Variants in CUX1 observed in about 807,000 individuals in gnomAD.
CUX1 encodes the protein cut like homeobox 1, also known as protein CASP.
In CUX1, 31 loss-of-function variants were observed where a neutral mutation model predicts 158.8. The observed-to-expected ratio is 0.20, with a 90% CI of 0.15 to 0.26. CUX1 has a LOEUF of 0.26. CUX1 is among the 10% of genes least tolerant of loss of function. CUX1 has a pLI of 1.00. For missense variants in CUX1, 1,589 were observed against 2,014.6 expected (o/e 0.79, Z 4.04); for synonymous variants, 879 against 862.1 (o/e 1.02, Z -0.34).
chr7:101,941,061 C>G (rs1176252313), intron 2 of CUX1, among the ~76,000 whole-genome samples: 1 of 152,186 alleles, frequency 6.6e-6, no homozygotes, highest in Non-Finnish European at 1.5e-5. Flanking sequence ...GCCGGGCTTC[C>G]TTGAGGCAGG....
upstream of CUX1, chr7:101,816,013 G>A (rs373609751): frequency 1.8e-5 from 25 of 1,412,610 alleles, no homozygotes; most frequent in Middle Eastern, 2.0e-4. Flanking sequence ...CGCTCACTCC[G>A]TCTCAATATG....
At chr7:101,933,711 C>T (rs925107304) in intron 2 of CUX1, among the ~76,000 whole-genome samples, 4 of 152,126 alleles carry the variant, frequency 2.6e-5, no homozygotes, top group Non-Finnish European at 5.9e-5. Flanking sequence ...AAGATGAATA[C>T]ATTCATTCAT....
At position 101,910,573 on chromosome 7, in the gene CUX1, A is replaced by T. The variant is rs116536736; in HGVS notation, c.31-5542A>T. Among the ~76,000 whole-genome samples, 333 of 152,168 alleles carry T rather than the reference A, an allele frequency of 2.2e-3. 2 individuals carry two copies. The highest frequency in any genetic ancestry group is 7.7e-3 in the African/African-American group (321 of 41,552). ...GAGTTCAAGACTAGTCTGGCCAACA[A>T]GGCGAAACCCCCTCTCTACTAAAAA... On this transcript the variant is annotated intron_variant, in intron 1 of 23. Transcript: ENST00000292535.
intron 3 of CUX1, among the ~76,000 whole-genome samples, chr7:102,028,352 A>G (rs1345889029): frequency 2.0e-5 from 3 of 152,304 alleles, no homozygotes; most frequent in African/African-American, 4.8e-5. Context: ...AAAGGAAGCT[A>G]TGCTCAGAAT....
At position 101,826,195 on chromosome 7, in the gene CUX1, GT is replaced by G. The variant is rs367981185; in HGVS notation, c.30+8535del. 2.3e-4 allele frequency among the ~76,000 whole-genome samples: 34 copies of G among 150,376 alleles called. 1 individual carries two copies. The South Asian group carries it at 6.4e-3, about 28-fold the overall frequency. On this transcript the variant is annotated intron_variant, in intron 1 of 23. Transcript: ENST00000292535. ...TTCAAGCCTACTTCAGAATTTTTTT[GT>G]TTTTTTTTGTTTTTGATTTTTTGAG... is the stretch of plus-strand genomic sequence containing the variant.
chr7:101,833,560 C>CT (rs1447281649), intron 1 of CUX1, among the ~76,000 whole-genome samples: 1 of 51,452 alleles, frequency 1.9e-5, no homozygotes, highest in Non-Finnish European at 3.5e-5. Flanking sequence ...GACTCTGTCT[C>CT]TTAAAAAAAA....
At chr7:102,236,808 C>T (rs543372779) in intron 22 of CUX1, among the ~76,000 whole-genome samples, 2 of 152,286 alleles carry the variant, frequency 1.3e-5, no homozygotes, top group South Asian at 2.1e-4. Context: ...CCTTAGTCCC[C>T]GCAAATACAT....
intron 1 of CUX1, among the ~76,000 whole-genome samples, chr7:101,893,158 CTTT>C (rs10589615): frequency 9.2e-5 from 6 of 64,950 alleles, no homozygotes; most frequent in African/African-American, 3.1e-4. Flanking sequence ...ATTTTTATTA[CTTT>C]TTTTTTTTTT....
intron 2 of CUX1, among the ~76,000 whole-genome samples, chr7:101,969,710 C>A (rs1811701112): frequency 6.6e-6 from 1 of 152,100 alleles, no homozygotes; most frequent in Admixed American, 6.5e-5. Context: ...ATCAAAGAAA[C>A]CCAAACTCCT....
At chr7:101,846,780 G>A (rs1226282938) in intron 1 of CUX1, among the ~76,000 whole-genome samples, 1 of 152,078 alleles carries the variant, frequency 6.6e-6, no homozygotes, top group Non-Finnish European at 1.5e-5. Context: ...GCTTGATAGT[G>A]GGAGACCAGA....
intron 8 of CUX1, among the ~76,000 whole-genome samples, chr7:102,138,317 TCTTAA>T (rs1267585390): frequency 1.3e-5 from 2 of 152,226 alleles, no homozygotes; most frequent in Admixed American, 6.5e-5. Flanking sequence ...CTGATATAAC[TCTTAA>T]CTTAAATTTC....
rs1554547462 is a variant in CUX1 at position 102,275,273 on chromosome 7, C to A, written c.1477C>A (p.Leu493Ile). Residue 493 changes from leucine to isoleucine, a missense_variant, in exon 17 of 23, where the codon CTC becomes ATC. Leu to Ile is a conservative substitution (Grantham distance 5, BLOSUM62 2). Coordinates refer to the CUX1 transcript ENST00000292538. ...ACCTGCAGCACCAGCCAGCGGTGCC[C>A]TCCCAGAGGGCCAGGTGGATTCACT... 5 of 1,610,982 alleles carry A rather than the reference C, an allele frequency of 3.1e-6. No individual in the cohort carries two copies. The Admixed American group carries it at 8.4e-5, about 27-fold the overall frequency.
chr7:102,007,062 A>G (rs532986648), intron 2 of CUX1, among the ~76,000 whole-genome samples: 5 of 152,348 alleles, frequency 3.3e-5, no homozygotes, highest in African/African-American at 1.2e-4. Flanking sequence ...TCCAAGGAAC[A>G]GACCCCATGC....
At chr7:101,837,592 G>A (rs1794761988) in intron 1 of CUX1, among the ~76,000 whole-genome samples, 1 of 151,962 alleles carries the variant, frequency 6.6e-6, no homozygotes. Context: ...ACTTTGGGAG[G>A]CTGAGGCGGG....
chr7:101,841,221 A>AT (rs1287777904), intron 1 of CUX1, among the ~76,000 whole-genome samples: 2 of 152,076 alleles, frequency 1.3e-5, no homozygotes, highest in African/African-American at 4.8e-5. Flanking sequence ...CAATTTTGGC[A>AT]TTTTATAATT....
intron 10 of CUX1, among the ~76,000 whole-genome samples, chr7:102,172,103 TGA>T (rs1224516386): frequency 6.6e-6 from 1 of 152,110 alleles, no homozygotes; most frequent in African/African-American, 2.4e-5. Flanking sequence ...TTCTTTTTTT[TGA>T]GAGAGAGTCT....
chr7:101,929,543 T>C (rs1806056868), intron 2 of CUX1, among the ~76,000 whole-genome samples: 1 of 152,192 alleles, frequency 6.6e-6, no homozygotes, highest in South Asian at 2.1e-4. Flanking sequence ...AACAACTTTG[T>C]TGAGCATGAT....
chr7:102,080,895 C>T (rs1827307644), intron 4 of CUX1, among the ~76,000 whole-genome samples: 1 of 152,190 alleles, frequency 6.6e-6, no homozygotes. Flanking sequence ...ATAAACAAGC[C>T]CTAGACTGGC....
At chr7:102,182,871 G>A (rs1554514415) in intron 11 of CUX1, among the ~76,000 whole-genome samples, 1 of 152,118 alleles carries the variant, frequency 6.6e-6, no homozygotes, top group Admixed American at 6.5e-5. Flanking sequence ...TTATAAGAAA[G>A]GCTAACTAAA....
Sources: allele counts gnomAD v4.1 joint callset (sites outside exome capture counted in the v4.1 genomes callset), GRCh38; gene constraint gnomAD v4.1.1; transcripts MANE v1.5; gene names NCBI Gene and HGNC (gene_info 2026-07-23, HGNC 2026-07-21).